Variants in TMEM108 observed in about 807,000 individuals in gnomAD.
The protein encoded by TMEM108 is transmembrane protein 108.
In TMEM108, 12 loss-of-function variants were observed where a neutral mutation model predicts 35.1. The ratio of observed to expected loss-of-function variants is 0.34; its 90% CI spans 0.22 to 0.55. The LOEUF (loss-of-function observed/expected upper bound fraction) is 0.55, where lower values mean the gene tolerates loss of function less well. Ranked by LOEUF, TMEM108 falls within the 20% of genes least tolerant of loss-of-function variation. The probability of loss-of-function intolerance (pLI) is 0.89; values close to 1 mark genes in which losing one functional copy is unlikely to be tolerated. For synonymous variants in TMEM108, 287 were observed against 308.6 expected (o/e 0.93, Z 0.73); for missense variants, 680 against 753.3 (o/e 0.90, Z 1.14).
chr3:133,121,026 C>T (rs1944346250), intron 2 of TMEM108: 2 of 152,356 alleles, frequency 1.3e-5, no homozygotes, highest in Admixed American at 6.5e-5. Context: ...TGATACATCC[C>T]TTCCCATTTG....
At chr3:133,130,622 G>A (rs1944478130) in intron 2 of TMEM108, among the ~76,000 whole-genome samples, 1 of 152,204 alleles carries the variant, frequency 6.6e-6, no homozygotes, top group Non-Finnish European at 1.5e-5. Flanking sequence ...ACTCCACTAT[G>A]TTCTATTAAA....
At chr3:133,238,039 G>C (rs1365173237) in intron 3 of TMEM108, among the ~76,000 whole-genome samples, 1 of 152,112 alleles carries the variant, frequency 6.6e-6, no homozygotes, top group Non-Finnish European at 1.5e-5. Flanking sequence ...GTTAGTGTTA[G>C]AGTCATTAAT....
At chr3:133,127,007 G>T (rs919532809) in intron 2 of TMEM108, among the ~76,000 whole-genome samples, 10 of 152,100 alleles carry the variant, frequency 6.6e-5, no homozygotes, top group African/African-American at 2.4e-4. Context: ...CTATTAATGA[G>T]ATATTTTGCA....
At chr3:133,383,766 A>G (rs1332352918) in intron 4 of TMEM108, among the ~76,000 whole-genome samples, 1 of 152,212 alleles carries the variant, frequency 6.6e-6, no homozygotes, top group Non-Finnish European at 1.5e-5. Context: ...TGGAGATGGA[A>G]CATATTACTT....
chr3:133,238,307 G>A (rs762703149), intron 3 of TMEM108, among the ~76,000 whole-genome samples: 4 of 152,116 alleles, frequency 2.6e-5, no homozygotes, highest in Non-Finnish European at 5.9e-5. Context: ...CAGTCTAATC[G>A]GGAGCTTGAT....
chr3:133,237,393 T>A (rs1465104660), intron 3 of TMEM108, among the ~76,000 whole-genome samples: 4 of 146,060 alleles, frequency 2.7e-5, no homozygotes, highest in Non-Finnish European at 6.2e-5. Context: ...AGAGAACAGC[T>A]TTCTATGTTC....
At chr3:133,259,456 G>T (rs554826555) in intron 3 of TMEM108, among the ~76,000 whole-genome samples, 1 of 152,282 alleles carries the variant, frequency 6.6e-6, no homozygotes, top group East Asian at 1.9e-4. Context: ...CACTGCTTTC[G>T]CATATTTACG....
intron 3 of TMEM108, among the ~76,000 whole-genome samples, chr3:133,330,888 A>G (rs2071386045): frequency 6.6e-6 from 1 of 152,218 alleles, no homozygotes; most frequent in Non-Finnish European, 1.5e-5. Context: ...ACAAAGCATT[A>G]GAAGTTAAAA....
intron 2 of TMEM108, among the ~76,000 whole-genome samples, chr3:133,063,302 C>G (rs1247419179): frequency 6.6e-6 from 1 of 152,002 alleles, no homozygotes; most frequent in Admixed American, 6.5e-5. Context: ...CCCAGATCTT[C>G]CCAGAATGAG....
chr3:133,164,320 A>T (rs1945004651), intron 2 of TMEM108, among the ~76,000 whole-genome samples: 1 of 152,188 alleles, frequency 6.6e-6, no homozygotes, highest in Non-Finnish European at 1.5e-5. Flanking sequence ...TCTTCAGGTA[A>T]TTGAACACAC....
At chr3:133,157,196 C>T (rs1944894240) in intron 2 of TMEM108, among the ~76,000 whole-genome samples, 1 of 152,100 alleles carries the variant, frequency 6.6e-6, no homozygotes, top group Non-Finnish European at 1.5e-5. Flanking sequence ...CTTCAGTTTT[C>T]CAAAAAAGAT....
chr3:133,219,948 A>G (rs1283013302), intron 2 of TMEM108, among the ~76,000 whole-genome samples: 1 of 152,076 alleles, frequency 6.6e-6, no homozygotes, highest in East Asian at 1.9e-4. Context: ...TTAAGAGTCT[A>G]TCCTTTCAGA....
chr3:133,109,466 A>C (rs1944199730), intron 2 of TMEM108, among the ~76,000 whole-genome samples: 1 of 149,514 alleles, frequency 6.7e-6, no homozygotes, highest in Non-Finnish European at 1.5e-5. Context: ...CGTTCTCCAC[A>C]AAAAGAAAAA....
intron 2 of TMEM108, among the ~76,000 whole-genome samples, chr3:133,075,339 G>A (rs1414874731): frequency 6.6e-6 from 1 of 152,104 alleles, no homozygotes; most frequent in Non-Finnish European, 1.5e-5. Flanking sequence ...GCAGTTCTTG[G>A]GGGTTACTGT....
At chr3:133,130,939 C>T (rs1344299515) in intron 2 of TMEM108, among the ~76,000 whole-genome samples, 2 of 152,208 alleles carry the variant, frequency 1.3e-5, no homozygotes, top group African/African-American at 2.4e-5. Context: ...ACTCTATCTA[C>T]TGTTAAAAAG....
intron 3 of TMEM108, among the ~76,000 whole-genome samples, chr3:133,345,242 G>A (rs1435147002): frequency 1.3e-5 from 2 of 151,796 alleles, no homozygotes; most frequent in Non-Finnish European, 3.0e-5. Flanking sequence ...TTTATTCTAA[G>A]AATGCAAAGA....
chr3:133,358,812 T>A (rs1335560536), intron 3 of TMEM108, among the ~76,000 whole-genome samples: 1 of 152,040 alleles, frequency 6.6e-6, no homozygotes, highest in African/African-American at 2.4e-5. Flanking sequence ...TTCCCATCCC[T>A]CTTCTAAACT....
At chr3:133,116,227 C>G (rs1327362022) in intron 2 of TMEM108, among the ~76,000 whole-genome samples, 1 of 152,110 alleles carries the variant, frequency 6.6e-6, no homozygotes, top group African/African-American at 2.4e-5. Flanking sequence ...TGTGATGCAT[C>G]AGTAATTTCA....
At chr3:133,212,315 A>C (rs982744122) in intron 2 of TMEM108, among the ~76,000 whole-genome samples, 1 of 152,208 alleles carries the variant, frequency 6.6e-6, no homozygotes, top group African/African-American at 2.4e-5. Flanking sequence ...AACTTAGGAG[A>C]AAATTTTTGA....
Sources: gnomAD v4.1 joint callset for allele counts (sites outside exome capture counted in the v4.1 genomes callset) on GRCh38, gnomAD v4.1.1 for gene constraint, MANE v1.5 for transcripts, NCBI Gene and HGNC (gene_info 2026-07-23, HGNC 2026-07-21) for gene names.